The following SMCR8 variants were observed in gnomAD, a reference collection of about 807,000 sequenced individuals.
SMCR8 encodes the protein SMCR8-C9orf72 complex subunit.
Under a neutral mutation model 56.6 loss-of-function variants are expected in SMCR8, and 30 were observed. That is an observed-to-expected ratio of 0.53 (90% confidence interval 0.40 to 0.72). The LOEUF (loss-of-function observed/expected upper bound fraction) is 0.72. Among genes scored for constraint, SMCR8 ranks in the 30% least tolerant of loss-of-function variants. The pLI is 0.00. For synonymous variants in SMCR8, 538 were observed against 456.0 expected (o/e 1.18, Z -2.29); for missense variants, 1,198 against 1,157.0 (o/e 1.04, Z -0.51).
At position 18,322,678 on chromosome 17, in the gene SMCR8, A is replaced by G. The variant is rs1256649230; in HGVS notation, c.2422A>G (p.Ser808Gly). 1 of 1,614,168 alleles carries G rather than the reference A, an allele frequency of 6.2e-7. No homozygotes were observed. Among genetic ancestry groups the G allele is most frequent in the Non-Finnish European group, 8.5e-7 (1 of 1,180,030 alleles). The stretch of plus-strand genomic sequence containing the variant: ...CCTGAGCCGCTACAGCCGCTACACG[A>G]GCATCCTGGACCTTGACAACAAAAC... ...HALSRYSRYT[S>G]ILDLDNKTLR... Residue 808 changes from serine to glycine, a missense_variant, in exon 2 of 2, where the codon AGC becomes GGC. By Grantham distance (56) the Ser-to-Gly change is moderately conservative. Transcript: ENST00000406438.
chr17:18,322,236 C>T (rs956972544), intron 1 of SMCR8, among the ~76,000 whole-genome samples: 3 of 152,182 alleles, frequency 2.0e-5, no homozygotes, highest in Non-Finnish European at 2.9e-5. Flanking sequence ...TGGTCTCGAT[C>T]TCCTGACCTC....
rs1982598754 is a variant in SMCR8 at position 18,324,653 on chromosome 17, A to C, written c.*1583A>C. 6.6e-6 allele frequency: 1 copy of C among 152,286 alleles called. No individual in the cohort carries two copies. Among genetic ancestry groups the C allele is most frequent in the Admixed American group, 6.5e-5 (1 of 15,284 alleles). The allele number at this position is 152,286 out of a possible 1,614,324, so 9.4% of individuals were successfully genotyped here. A position where few individuals can be genotyped will look rare whatever the true frequency, so the allele number is the denominator to read the frequency against. On this transcript the variant is annotated 3_prime_UTR_variant, in exon 2 of 2. Coordinates refer to ENST00000406438, the MANE Select transcript of SMCR8 (RefSeq NM_144775.3). ...GAGGCAGAGACCCCTGGTGGAAGCC[A>C]AGAGTGACCGAAGAGGGCTTGCATC...
rs974563969 is a variant in SMCR8 at position 18,324,810 on chromosome 17, A to C, written c.*1740A>C. ...GTTTGATTTTGCTCCTGGGGCTGCG[A>C]TGGAGAACCTTTTGTGGCAGATGGT... On this transcript the variant is annotated 3_prime_UTR_variant, in exon 2 of 2. Coordinates refer to ENST00000406438, the MANE Select transcript of SMCR8 (RefSeq NM_144775.3). 2 of 152,312 alleles carry C rather than the reference A, an allele frequency of 1.3e-5. No individual in the cohort carries two copies. The highest frequency in any genetic ancestry group is 1.3e-4 in the Admixed American group (2 of 15,286). The allele number at this position is 152,312 out of a possible 1,614,324, so 9.4% of individuals were successfully genotyped here. A position where few individuals can be genotyped will look rare whatever the true frequency, so the allele number is the denominator to read the frequency against.
Position 18,322,988 on chromosome 17 carries a change from T to A in SMCR8, c.2732T>A (p.Leu911Gln). 1 of 1,614,256 alleles carries A rather than the reference T, an allele frequency of 6.2e-7. No individual in the cohort carries two copies. Among genetic ancestry groups the A allele is most frequent in the Non-Finnish European group, 8.5e-7 (1 of 1,180,052 alleles). Residue 911 changes from leucine (L) to glutamine (Q), a missense_variant, in exon 2 of 2, where the codon CTG becomes CAG. By Grantham distance (113) the Leu-to-Gln change is moderately radical. Transcript: ENST00000406438. ...VVQYLAELLK[L>Q]HYMQESPGTS... ...CAGTACCTGGCTGAGCTGCTGAAGCTGCACTACATGCAGGAATCTCCAGGG... is the reference window on the plus strand; with the variant it reads ...CAGTACCTGGCTGAGCTGCTGAAGCAGCACTACATGCAGGAATCTCCAGGG...
In SMCR8 at chr17:18,317,452, A is replaced by C. The variant is rs1982353964; in HGVS notation, c.1663A>C (p.Ile555Leu). 1 of 1,614,030 alleles carries C rather than the reference A, an allele frequency of 6.2e-7. No homozygotes were observed. Among genetic ancestry groups the C allele is most frequent in the Non-Finnish European group, 8.5e-7 (1 of 1,180,034 alleles). ...ATATCCAGATGGCAATGAAGGAGCC[A>C]TCCGCTTCCAGGCAAGCATCAGTCC... The part of the protein sequence containing the change: ...ESYPDGNEGA[I>L]RFQASISPPE... The change falls in exon 1 of 2, where the codon ATC becomes CTC. Residue 555 changes from isoleucine (I) to leucine (L), a missense_variant. Transcript: ENST00000406438.
rs184428832 is a variant in SMCR8, at chr17:18,324,662, C to T, written c.*1592C>T. ...ACCCCTGGTGGAAGCCAAGAGTGAC[C>T]GAAGAGGGCTTGCATCACGTCACTC... On this transcript the variant is annotated 3_prime_UTR_variant, in exon 2 of 2. Transcript: ENST00000406438. The T allele has an allele frequency of 1.7e-3, 259 of 152,350 alleles. 6 individuals are homozygous for T. Among genetic ancestry groups the T allele is most frequent in the Non-Finnish European group, 5.0e-4 (34 of 68,052 alleles). The allele number at this position is 152,350 out of a possible 1,614,324, so 9.4% of individuals were successfully genotyped here. A position where few individuals can be genotyped will look rare whatever the true frequency, so the allele number is the denominator to read the frequency against.
At chr17:18,320,182 C>T (rs1362303633) in intron 1 of SMCR8, among the ~76,000 whole-genome samples, 1 of 152,198 alleles carries the variant, frequency 6.6e-6, no homozygotes, top group Non-Finnish European at 1.5e-5. Flanking sequence ...CACAAGCTGC[C>T]GCTTTACCCA....
intron 1 of SMCR8, 25 bp from the exon 2 acceptor site, chr17:18,322,592 C>T (rs763794122): frequency 1.9e-6 from 3 of 1,604,304 alleles, no homozygotes; most frequent in African/African-American, 1.3e-5. Flanking sequence ...TGCCCTTCCT[C>T]CTGACCTTGG....
intron 1 of SMCR8, 46 bp downstream of exon 1, chr17:18,318,195 T>A (rs749455573): frequency 1.9e-6 from 3 of 1,553,788 alleles, no homozygotes; most frequent in Non-Finnish European, 2.6e-6. Context: ...CAGATAGGGA[T>A]GAGGTATATT....
Position 18,315,670 on chromosome 17 carries a change from G to T in SMCR8, c.-120G>T, listed in dbSNP as rs1161939509. ...AGCAGCCTAGGACCCCGGGTTCGGGGAGTCGCAAAGAAGGCCGTAAGGGCT... is the reference window on the plus strand; with the variant it reads ...AGCAGCCTAGGACCCCGGGTTCGGGTAGTCGCAAAGAAGGCCGTAAGGGCT... On this transcript the variant is annotated 5_prime_UTR_variant, in exon 1 of 2. Coordinates refer to ENST00000406438, the MANE Select transcript of SMCR8 (RefSeq NM_144775.3). 4 of 943,390 alleles carry T rather than the reference G, an allele frequency of 4.2e-6. No homozygotes were observed. The African/African-American group carries it at 6.6e-5, about 16-fold the overall frequency. The allele number at this position is 943,390 out of a possible 1,614,324, so 58.4% of individuals were successfully genotyped here.
At position 18,322,668 on chromosome 17, in the gene SMCR8, C is replaced by T. The variant is rs779110415; in HGVS notation, c.2412C>T (p.Ser804=). ...AGTLHALSRY[S]RYTSILDLDN... is the part of the protein sequence containing the mutation. The stretch of plus-strand genomic sequence containing the variant: ...CCCTCCATGCCCTGAGCCGCTACAG[C>T]CGCTACACGAGCATCCTGGACCTTG... The change falls in exon 2 of 2, where the codon AGC becomes AGT. Residue 804 remains serine (S), a synonymous_variant. Transcript: ENST00000406438. The T allele has an allele frequency of 3.7e-6, 6 of 1,614,098 alleles. No individual in the cohort carries two copies. In the Admixed American group the frequency reaches 8.3e-5, roughly 22 times the overall value.
At chr17:18,319,707 GTT>G (rs1221577640) in intron 1 of SMCR8, among the ~76,000 whole-genome samples, 3 of 152,052 alleles carry the variant, frequency 2.0e-5, no homozygotes, top group Non-Finnish European at 4.4e-5. Flanking sequence ...GGGTTTTTTT[GTT>G]TTGTGTGTTT....
At position 18,326,771 on chromosome 17, in the gene SMCR8, C is replaced by T. The variant is rs774050573; in HGVS notation, c.*3701C>T. ...TGTCTTGCATGTGCTGACTGCTGCC[C>T]GCAGTGCTGAACATGCCCCACCGCC... On this transcript the variant is annotated 3_prime_UTR_variant, in exon 2 of 2. Transcript: ENST00000406438. The T allele has an allele frequency of 4.6e-5, 7 of 152,306 alleles. No individual in the cohort carries two copies. Among genetic ancestry groups the T allele is most frequent in the African/African-American group, 7.2e-5 (3 of 41,472 alleles). The allele number at this position is 152,306 out of a possible 1,614,324, so 9.4% of individuals were successfully genotyped here.
At chr17:18,322,212 C>T (rs896503157) in intron 1 of SMCR8, among the ~76,000 whole-genome samples, 12 of 152,096 alleles carry the variant, frequency 7.9e-5, no homozygotes, top group African/African-American at 2.4e-4. Context: ...AGGGTTTCAC[C>T]GTGTTAGCCA....
rs1028627461 is a variant in SMCR8, at chr17:18,315,858, G to T, written c.69G>T (p.Glu23Asp). Residue 23 changes from glutamate (E) to aspartate (D), a missense_variant, in exon 1 of 2, where the codon GAG becomes GAT. By Grantham distance (45) the Glu-to-Asp change is conservative. Coordinates refer to ENST00000406438, the MANE Select transcript of SMCR8 (RefSeq NM_144775.3). ...AGTATGAAGAAGAGCCTTACAATGA[G>T]CCGGCCCTGCCTGAGGAGTACTCGG... is the stretch of plus-strand genomic sequence containing the variant. Reference protein sequence around the residue: ...EEEYEEEPYNEPALPEEYSVP... With the variant: ...EEEYEEEPYNDPALPEEYSVP... 3.7e-6 allele frequency: 6 copies of T among 1,613,878 alleles called. No homozygotes were observed. Among genetic ancestry groups the T allele is most frequent in the Non-Finnish European group, 5.1e-6 (6 of 1,179,836 alleles).
At position 18,316,615 on chromosome 17, in the gene SMCR8, G is replaced by C. The variant is rs760708311; in HGVS notation, c.826G>C (p.Asp276His). ...LCPGEMEHIQ[D>H]QASQASTTSN... Reference sequence around the variant, plus strand: ...TCCTGGTGAGATGGAGCACATCCAGGATCAGGCCAGCCAGGCATCCACTAC... The same window carrying C: ...TCCTGGTGAGATGGAGCACATCCAGCATCAGGCCAGCCAGGCATCCACTAC... Residue 276 changes from aspartate (D) to histidine (H), a missense_variant, in exon 1 of 2, where the codon GAT becomes CAT. Asp to His is a moderately conservative substitution (Grantham distance 81). Coordinates refer to ENST00000406438, the MANE Select transcript of SMCR8 (RefSeq NM_144775.3). 3.7e-6 allele frequency: 6 copies of C among 1,614,146 alleles called. No homozygotes were observed. The highest frequency in any genetic ancestry group is 5.1e-6 in the Non-Finnish European group (6 of 1,180,042).
At chr17:18,322,515 A>T in intron 1 of SMCR8, 102 bp from the exon 2 acceptor site, 3 of 996,584 alleles carry the variant, frequency 3.0e-6, no homozygotes, top group Non-Finnish European at 4.6e-6. Flanking sequence ...CATGCTGGCT[A>T]GGTGGATGCT....
chr17:18,315,703 C>T lies in SMCR8; in HGVS notation c.-87C>T, dbSNP rs1399074458. The T allele has an allele frequency of 7.5e-6, 10 of 1,327,386 alleles. No homozygotes were observed. In the African/African-American group the frequency reaches 8.8e-5, roughly 12 times the overall value. The allele number at this position is 1,327,386 out of a possible 1,614,324, so 82.2% of individuals were successfully genotyped here. ...AAGAAGGCCGTAAGGGCTTCACTTC[C>T]TTCTCCGGAGGCCTGCCTTCTGCGC... is the stretch of plus-strand genomic sequence containing the variant. On this transcript the variant is annotated 5_prime_UTR_variant, in exon 1 of 2. Transcript: ENST00000406438.
Position 18,315,732 on chromosome 17 carries a change from G to T in SMCR8, c.-58G>T. The T allele has an allele frequency of 6.7e-7, 1 of 1,492,148 alleles. No individual in the cohort carries two copies. Among genetic ancestry groups the T allele is most frequent in the Non-Finnish European group, 9.0e-7 (1 of 1,108,464 alleles). The allele number at this position is 1,492,148 out of a possible 1,614,324, so 92.4% of individuals were successfully genotyped here. A position where few individuals can be genotyped will look rare whatever the true frequency, so the allele number is the denominator to read the frequency against. ...TCCGGAGGCCTGCCTTCTGCGCGTC[G>T]ATTAACACCGCATTCTTTCCCACTT... On this transcript the variant is annotated 5_prime_UTR_variant, in exon 1 of 2. Coordinates refer to ENST00000406438, the MANE Select transcript of SMCR8 (RefSeq NM_144775.3).
Sources: gnomAD v4.1 joint callset for allele counts (sites outside exome capture counted in the v4.1 genomes callset) on GRCh38, gnomAD v4.1.1 for gene constraint, MANE v1.5 for transcripts, NCBI Gene and HGNC (gene_info 2026-07-23, HGNC 2026-07-21) for gene names.